PDLIM1: variants seen among roughly 807,000 people sequenced by gnomAD.
PDLIM1 encodes PDZ and LIM domain 1.
In PDLIM1, 25 loss-of-function variants were observed where a neutral mutation model predicts 35.2. That is an observed-to-expected ratio of 0.71 (90% CI 0.52 to 0.99). The LOEUF (loss-of-function observed/expected upper bound fraction) is 0.99. Among genes scored for constraint, PDLIM1 ranks in the 50% least tolerant of loss-of-function variants. The probability of loss-of-function intolerance (pLI) is 0.00; values close to 1 mark genes in which losing one functional copy is unlikely to be tolerated. For synonymous variants in PDLIM1, 152 were observed against 154.0 expected, an observed-to-expected ratio of 0.99 and a Z score of 0.10; for missense variants, 363 against 415.3, an observed-to-expected ratio of 0.87 and a Z score of 1.09.
chr10:95,258,281 GA>G (rs200575774), intron 4 of PDLIM1, among the ~76,000 whole-genome samples: 87 of 147,882 alleles, frequency 5.9e-4, no homozygotes, highest in African/African-American at 2.0e-3. Context: ...AAGAAAATGT[GA>G]AAAAAAAATG....
chr10:95,273,590 C>T (rs536833176), intron 1 of PDLIM1, among the ~76,000 whole-genome samples: 2 of 152,164 alleles, frequency 1.3e-5, no homozygotes, highest in African/African-American at 4.8e-5. Context: ...AAACCAGTAC[C>T]GAGATCCTGA....
At chr10:95,241,799 G>A (rs1352624741) in intron 5 of PDLIM1, among the ~76,000 whole-genome samples, 10 of 151,288 alleles carry the variant, frequency 6.6e-5, no homozygotes, top group Admixed American at 6.6e-4. Flanking sequence ...CCCTTCCCTG[G>A]GCTTGAATGA....
chr10:95,238,515 A>T lies in PDLIM1; in HGVS notation c.803+53T>A, dbSNP rs1051544262. 27 of 1,122,262 alleles carry T rather than the reference A, an allele frequency of 2.4e-5. No individual in the cohort carries two copies. In the East Asian group the frequency reaches 5.9e-4, roughly 24 times the overall value. The allele number at this position is 1,122,262 out of a possible 1,614,324, so 69.5% of individuals were successfully genotyped here. ...AACATCCAGCACTTTCCACATTTTCATGGTTTACCCAACCTGCAGGGTCTG... is the reference window on the plus strand; with the variant it reads ...AACATCCAGCACTTTCCACATTTTCTTGGTTTACCCAACCTGCAGGGTCTG... On this transcript the variant is annotated intron_variant, in intron 6 of 6. Transcript: ENST00000329399.
At chr10:95,238,881 C>T (rs2035150232) in intron 5 of PDLIM1, 196 bp from the exon 6 acceptor site, 2 of 509,274 alleles carry the variant, frequency 3.9e-6, no homozygotes, top group Admixed American at 6.4e-5. Flanking sequence ...GAGATTAACA[C>T]CTGGCCAAAG....
At chr10:95,283,798 T>G (rs1203499525) in intron 1 of PDLIM1, among the ~76,000 whole-genome samples, 1 of 152,168 alleles carries the variant, frequency 6.6e-6, no homozygotes, top group Non-Finnish European at 1.5e-5. Context: ...GGAAACAGCA[T>G]GGGATAAAGA....
At chr10:95,279,002 T>G (rs1250364802) in intron 1 of PDLIM1, among the ~76,000 whole-genome samples, 6 of 152,242 alleles carry the variant, frequency 3.9e-5, no homozygotes, top group Admixed American at 3.9e-4. Flanking sequence ...GATTGAAAGC[T>G]AGAGGCCTGT....
At chr10:95,274,819 CT>C (rs961231232) in intron 1 of PDLIM1, among the ~76,000 whole-genome samples, 4 of 152,142 alleles carry the variant, frequency 2.6e-5, no homozygotes, top group African/African-American at 9.7e-5. Context: ...TTCATCTTGC[CT>C]TTAACCTCCA....
chr10:95,274,082 C>A (rs1310258072), intron 1 of PDLIM1, among the ~76,000 whole-genome samples: 1 of 152,186 alleles, frequency 6.6e-6, no homozygotes, highest in Non-Finnish European at 1.5e-5. Context: ...AATCCAAAAT[C>A]TTTAACAAGG....
chr10:95,264,147 G>A lies in PDLIM1; in HGVS notation c.334-84C>T, dbSNP rs968862446. ...GGCAGTGCAGGCTGAGCGCCAGGGA[G>A]AGGTGTTCCAGCTGCTAAGATGGCC... On this transcript the variant is annotated intron_variant, in intron 3 of 6. Coordinates refer to ENST00000329399, the MANE Select transcript of PDLIM1 (RefSeq NM_020992.4). 7 of 1,142,860 alleles carry A rather than the reference G, an allele frequency of 6.1e-6. No individual in the cohort carries two copies. The African/African-American group carries it at 1.1e-4, about 17-fold the overall frequency. 70.8% of individuals were successfully genotyped at this position (1,142,860 alleles called of 1,614,324 possible). A position where few individuals can be genotyped will look rare whatever the true frequency, so the allele number is the denominator to read the frequency against.
chr10:95,263,312 C>A (rs1280027037), intron 4 of PDLIM1, among the ~76,000 whole-genome samples: 1 of 152,148 alleles, frequency 6.6e-6, no homozygotes, highest in African/African-American at 2.4e-5. Flanking sequence ...CAGATCAGAA[C>A]CTATTCCTAG....
At chr10:95,240,757 TCTC>T (rs1264743120) in intron 5 of PDLIM1, among the ~76,000 whole-genome samples, 64 of 152,148 alleles carry the variant, frequency 4.2e-4, no homozygotes, top group Non-Finnish European at 2.9e-5. Context: ...ATAACAATCA[TCTC>T]CTACAGAGCA....
rs374803493 is a variant in PDLIM1 at position 95,269,926 on chromosome 10, A to T, written c.249-1064T>A. ...AATTTTTTTGTGTTTTTGTAGAAAC[A>T]GGGTTTCATCATGTTGGCCAGGCTG... is the stretch of plus-strand genomic sequence containing the variant. On this transcript the variant is annotated intron_variant, in intron 2 of 6. Coordinates refer to ENST00000329399, the MANE Select transcript of PDLIM1 (RefSeq NM_020992.4). 5.3e-5 allele frequency among the ~76,000 whole-genome samples: 8 copies of T among 152,112 alleles called. No homozygotes were observed. In the East Asian group the frequency reaches 9.7e-4, roughly 18 times the overall value.
intron 1 of PDLIM1, among the ~76,000 whole-genome samples, chr10:95,275,341 G>A (rs944766274): frequency 6.6e-6 from 1 of 152,112 alleles, no homozygotes; most frequent in Admixed American, 6.5e-5. Context: ...CCAGCTCTAC[G>A]TGTATTAAAC....
chr10:95,243,545 G>A (rs549223775), intron 5 of PDLIM1, among the ~76,000 whole-genome samples: 3 of 151,904 alleles, frequency 2.0e-5, no homozygotes, highest in African/African-American at 7.2e-5. Context: ...TATCTAACTC[G>A]AGATCACCCA....
In PDLIM1 at chr10:95,272,216, C is replaced by A. The variant is rs1025523998; in HGVS notation, c.97-432G>T. Among the ~76,000 whole-genome samples, 13 of 151,830 alleles carry A rather than the reference C, an allele frequency of 8.6e-5. No homozygotes were observed. The East Asian group carries it at 9.6e-4, about 11-fold the overall frequency. On this transcript the variant is annotated intron_variant, in intron 1 of 6. Coordinates refer to ENST00000329399, the MANE Select transcript of PDLIM1 (RefSeq NM_020992.4). ...TAGTTAACAATTACATTTAAAAAAACACACACACACACATTTAGAGAACAT... is the reference window on the plus strand; with the variant it reads ...TAGTTAACAATTACATTTAAAAAAAAACACACACACACATTTAGAGAACAT...
At chr10:95,261,875 G>A (rs1400247583) in intron 4 of PDLIM1, among the ~76,000 whole-genome samples, 1 of 152,092 alleles carries the variant, frequency 6.6e-6, no homozygotes, top group Non-Finnish European at 1.5e-5. Context: ...GGGCGTGGTG[G>A]CGCATGCCTG....
chr10:95,248,175 C>T (rs1000685692), intron 4 of PDLIM1, among the ~76,000 whole-genome samples: 23 of 152,182 alleles, frequency 1.5e-4, no homozygotes, highest in Admixed American at 1.3e-3. Flanking sequence ...TCTCACCTCC[C>T]CACCTCCCCC....
At chr10:95,238,186 T>A in intron 6 of PDLIM1, 75 bp from the exon 7 acceptor site, 1 of 1,359,188 alleles carries the variant, frequency 7.4e-7, no homozygotes, top group Non-Finnish European at 1.0e-6. Context: ...GGTGGCACCA[T>A]CCTTCCTGAG....
At chr10:95,276,921 A>AAAAAC (rs1564605478) in intron 1 of PDLIM1, among the ~76,000 whole-genome samples, 2 of 132,634 alleles carry the variant, frequency 1.5e-5, no homozygotes, top group Non-Finnish European at 1.7e-5. Flanking sequence ...AAAAAAAAAA[A>AAAAAC]AAACTTCTGG....
Sources: allele counts gnomAD v4.1 joint callset (sites outside exome capture counted in the v4.1 genomes callset), GRCh38; gene constraint gnomAD v4.1.1; transcripts MANE v1.5; gene names NCBI Gene and HGNC (gene_info 2026-07-23, HGNC 2026-07-21).